Variants in PIGU observed in about 807,000 individuals in gnomAD.
The protein encoded by PIGU is GPI-anchor transamidase component PIGU.
A neutral mutation model predicts 49.9 loss-of-function variants in PIGU; 24 were observed. The observed-to-expected ratio is 0.48, with a 90% CI of 0.35 to 0.68. The LOEUF (loss-of-function observed/expected upper bound fraction) is 0.68, where lower values mean the gene tolerates loss of function less well. Among genes scored for constraint, PIGU ranks in the 30% least tolerant of loss-of-function variants. The pLI, the probability that PIGU is intolerant of heterozygous loss-of-function variation, is 0.01. For synonymous variants in PIGU, 220 were observed against 205.7 expected (o/e 1.07, Z -0.59); for missense variants, 490 against 532.6 (o/e 0.92, Z 0.79).
intron 7 of PIGU, among the ~76,000 whole-genome samples, chr20:34,603,888 A>ACACACACACACC (rs901711456): frequency 6.0e-5 from 9 of 150,584 alleles, no homozygotes; most frequent in African/African-American, 2.2e-4. Flanking sequence ...ACACACACAC[A>ACACACACACACC]CCACACCCCT....
chr20:34,650,703 T>C (rs1986514131), intron 2 of PIGU, among the ~76,000 whole-genome samples: 5 of 27,120 alleles, frequency 1.8e-4, no homozygotes, highest in Non-Finnish European at 3.4e-4. Context: ...TTTTTCTCTT[T>C]TTTTTTTTTT....
chr20:34,658,210 G>A (rs1986776319), intron 1 of PIGU, among the ~76,000 whole-genome samples: 1 of 152,268 alleles, frequency 6.6e-6, no homozygotes, highest in African/African-American at 2.4e-5. Flanking sequence ...GGCCGGGCCG[G>A]TCTCCAGCTC....
intron 11 of PIGU, among the ~76,000 whole-genome samples, chr20:34,569,333 G>A (rs1187648563): frequency 7.2e-5 from 11 of 152,292 alleles, no homozygotes; most frequent in East Asian, 3.9e-4. Flanking sequence ...GGGCTTAAGC[G>A]ATTCTCCTGC....
At chr20:34,643,107 C>T (rs1986221667) in intron 4 of PIGU, among the ~76,000 whole-genome samples, 1 of 152,034 alleles carries the variant, frequency 6.6e-6, no homozygotes, top group Admixed American at 6.6e-5. Context: ...TCAAGATATG[C>T]TCCATTAGTT....
chr20:34,619,298 ACT>A (rs1275807660), intron 6 of PIGU, among the ~76,000 whole-genome samples: 1 of 152,118 alleles, frequency 6.6e-6, no homozygotes, highest in African/African-American at 2.4e-5. Flanking sequence ...TGAGCCACAG[ACT>A]CTAAACTCAG....
chr20:34,651,554 C>T (rs1257864113), intron 2 of PIGU, among the ~76,000 whole-genome samples: 3 of 151,788 alleles, frequency 2.0e-5, no homozygotes, highest in African/African-American at 7.3e-5. Flanking sequence ...CATATTCATC[C>T]TGCTTTTCTA....
chr20:34,664,762 G>T (rs1987033362), intron 1 of PIGU, among the ~76,000 whole-genome samples: 1 of 152,092 alleles, frequency 6.6e-6, no homozygotes, highest in Non-Finnish European at 1.5e-5. Context: ...GGCCAAGGAG[G>T]GTATATCGCT....
chr20:34,575,133 C>T lies in PIGU; in HGVS notation c.1165G>A (p.Ala389Thr), dbSNP rs1470990031. The T allele has an allele frequency of 6.2e-7, 1 of 1,614,134 alleles. No individual in the cohort carries two copies. The highest frequency in any genetic ancestry group is 1.3e-5 in the African/African-American group (1 of 75,020). Residue 389 changes from alanine (A) to threonine (T), a missense_variant, in exon 11 of 12, where the codon GCC becomes ACC. Ala to Thr is a moderately conservative substitution (Grantham distance 58). Coordinates refer to ENST00000217446, the MANE Select transcript of PIGU (RefSeq NM_080476.5). The stretch of plus-strand genomic sequence containing the variant: ...CCAACGTTGAAGGTCAGTGTGATGG[C>T]ATAAAAGAAATTAGAGTTGGCACTT... ...AGSANSNFFY[A>T]ITLTFNVGQI...
At chr20:34,573,267 A>G (rs1983088693) in intron 11 of PIGU, among the ~76,000 whole-genome samples, 1 of 152,184 alleles carries the variant, frequency 6.6e-6, no homozygotes, top group Admixed American at 6.6e-5. Context: ...AAGGTAAGAG[A>G]TCATGCCAAG....
chr20:34,589,768 G>C (rs1314537043), intron 7 of PIGU, among the ~76,000 whole-genome samples: 1 of 145,156 alleles, frequency 6.9e-6, no homozygotes, highest in Non-Finnish European at 1.5e-5. Context: ...GGATTCTCCT[G>C]CCTCACCCTC....
At chr20:34,618,334 G>A (rs767159421) in intron 6 of PIGU, among the ~76,000 whole-genome samples, 1 of 152,192 alleles carries the variant, frequency 6.6e-6, no homozygotes, top group Non-Finnish European at 1.5e-5. Flanking sequence ...AGGATAGAGA[G>A]CCCTAGTTTA....
chr20:34,603,192 T>C (rs1312401155), intron 7 of PIGU, among the ~76,000 whole-genome samples: 1 of 152,186 alleles, frequency 6.6e-6, no homozygotes, highest in African/African-American at 2.4e-5. Flanking sequence ...TTTTGGATTT[T>C]ATCCTTTTGG....
At chr20:34,607,010 C>T (rs1433346409) in intron 7 of PIGU, among the ~76,000 whole-genome samples, 3 of 152,228 alleles carry the variant, frequency 2.0e-5, no homozygotes, top group Admixed American at 6.5e-5. Context: ...CCACCCGCCT[C>T]GGCCTCCCAA....
At chr20:34,562,272 C>A (rs1195064106) in intron 11 of PIGU, 2 of 333,684 alleles carry the variant, frequency 6.0e-6, no homozygotes, top group Non-Finnish European at 8.5e-6. Flanking sequence ...ACAGACACCG[C>A]AGCTCTCAGG....
chr20:34,561,915 G>T (rs1015827482), intron 11 of PIGU, among the ~76,000 whole-genome samples: 3 of 152,180 alleles, frequency 2.0e-5, no homozygotes, highest in African/African-American at 7.2e-5. Flanking sequence ...CATCGAAAGT[G>T]TAATTTTCCA....
chr20:34,668,586 G>A (rs1047521901), intron 1 of PIGU, among the ~76,000 whole-genome samples: 3 of 149,298 alleles, frequency 2.0e-5, no homozygotes, highest in Non-Finnish European at 3.0e-5. Flanking sequence ...TGGCTAACAT[G>A]GTGAAATCCC....
chr20:34,585,302 G>T, intron 9 of PIGU, 135 bp downstream of exon 9: 1 of 1,086,064 alleles, frequency 9.2e-7, no homozygotes, highest in Non-Finnish European at 1.3e-6. Flanking sequence ...GGCAACTGAA[G>T]GCAGGTTCCT....
At chr20:34,639,567 T>A (rs981442349) in intron 4 of PIGU, among the ~76,000 whole-genome samples, 2 of 151,848 alleles carry the variant, frequency 1.3e-5, no homozygotes, top group East Asian at 3.9e-4. Flanking sequence ...AGGAGTAAAT[T>A]TTTTTCAGCC....
At chr20:34,585,699 T>A in intron 8 of PIGU, 119 bp from the exon 9 acceptor site, 1 of 1,156,546 alleles carries the variant, frequency 8.6e-7, no homozygotes, top group Non-Finnish European at 1.2e-6. Context: ...ACTTTCTCCC[T>A]AGAGAGATCA....
Sources: gnomAD v4.1 joint callset for allele counts (sites outside exome capture counted in the v4.1 genomes callset) on GRCh38, gnomAD v4.1.1 for gene constraint, MANE v1.5 for transcripts, NCBI Gene and HGNC (gene_info 2026-07-23, HGNC 2026-07-21) for gene names.